UNC13C: variants seen among roughly 807,000 people sequenced by gnomAD.
UNC13C encodes the protein protein unc-13 homolog C.
UNC13C carries 174 observed loss-of-function variants against 245.4 expected under a neutral mutation model. The ratio of observed to expected loss-of-function variants is 0.71; its 90% CI spans 0.63 to 0.80. The LOEUF is 0.80. Among genes scored for constraint, UNC13C ranks in the 30% least tolerant of loss-of-function variants. UNC13C has a pLI of 0.00. For missense variants in UNC13C, 2,829 were observed against 2,602.9 expected (o/e 1.09, Z -1.89); for synonymous variants, 992 against 895.1 (o/e 1.11, Z -1.93).
intron 7 of UNC13C, among the ~76,000 whole-genome samples, chr15:54,247,986 G>T (rs2036041902): frequency 6.6e-6 from 1 of 151,918 alleles, no homozygotes; most frequent in African/African-American, 2.4e-5. Flanking sequence ...ACTATCACTT[G>T]ACTTCAGTAA....
chr15:54,270,681 A>G (rs1488448518), intron 10 of UNC13C, among the ~76,000 whole-genome samples: 1 of 152,132 alleles, frequency 6.6e-6, no homozygotes, highest in African/African-American at 2.4e-5. Flanking sequence ...GAAAAAAAAA[A>G]TTCTACTAAA....
chr15:54,369,240 C>A (rs1335376166), intron 17 of UNC13C, among the ~76,000 whole-genome samples: 2 of 151,530 alleles, frequency 1.3e-5, no homozygotes, highest in African/African-American at 4.8e-5. Context: ...CAGTTGAATG[C>A]ATTTTAATTT....
intron 4 of UNC13C, among the ~76,000 whole-genome samples, chr15:54,223,860 ATTAAG>A (rs1265862384): frequency 1.3e-5 from 2 of 151,832 alleles, no homozygotes; most frequent in South Asian, 2.1e-4. Context: ...CACTTATTTG[ATTAAG>A]TTAATTTGTA....
At chr15:54,590,914 A>G (rs1898751729) in intron 30 of UNC13C, among the ~76,000 whole-genome samples, 1 of 152,204 alleles carries the variant, frequency 6.6e-6, no homozygotes, top group African/African-American at 2.4e-5. Flanking sequence ...ATTCAGAATT[A>G]TGCTGGCTGT....
chr15:54,005,917 G>A (rs1162912612), intron 1 of UNC13C, among the ~76,000 whole-genome samples: 1 of 152,138 alleles, frequency 6.6e-6, no homozygotes, highest in African/African-American at 2.4e-5. Context: ...ATATTTAAGG[G>A]AAATTAAATC....
chr15:54,620,056 T>C (rs1160222792), intron 30 of UNC13C, among the ~76,000 whole-genome samples: 1 of 152,184 alleles, frequency 6.6e-6, no homozygotes, highest in East Asian at 1.9e-4. Flanking sequence ...AGGGTTGTAC[T>C]ACCTTACACA....
chr15:53,873,925 TTC>T, the UNC13C span, among the ~76,000 whole-genome samples: 1 of 56,006 alleles, frequency 1.8e-5, no homozygotes, highest in Non-Finnish European at 3.5e-5. Flanking sequence ...CCTTCCTTTC[TTC>T]CTTCCTTCCT....
intron 1 of UNC13C, among the ~76,000 whole-genome samples, chr15:54,002,057 C>T (rs537697655): frequency 5.9e-5 from 9 of 152,274 alleles, no homozygotes; most frequent in Admixed American, 2.6e-4. Flanking sequence ...GAGGCCGAGG[C>T]GGGTGGATCA....
chr15:53,860,430 G>C, the UNC13C span, among the ~76,000 whole-genome samples: 1 of 152,154 alleles, frequency 6.6e-6, no homozygotes, highest in East Asian at 1.9e-4. Context: ...TCAGAATCAT[G>C]ATAAATGAAT....
At chr15:54,576,666 C>T (rs1319798147) in intron 30 of UNC13C, among the ~76,000 whole-genome samples, 1 of 152,172 alleles carries the variant, frequency 6.6e-6, no homozygotes, top group East Asian at 1.9e-4. Context: ...GTCTACTATA[C>T]ACCTGTAGGA....
At chr15:54,522,450 C>G (rs1347399333) in intron 24 of UNC13C, among the ~76,000 whole-genome samples, 1 of 152,084 alleles carries the variant, frequency 6.6e-6, no homozygotes, top group African/African-American at 2.4e-5. Context: ...TGCACTCCAG[C>G]CTGGGCAACA....
chr15:54,259,021 T>C (rs2036353102), intron 8 of UNC13C, among the ~76,000 whole-genome samples: 1 of 152,218 alleles, frequency 6.6e-6, no homozygotes, highest in Admixed American at 6.5e-5. Flanking sequence ...AGGGCGATCT[T>C]CCAGGTTGCA....
chr15:54,132,074 C>CTTTTTTTCTTTT (rs533044534), intron 2 of UNC13C, among the ~76,000 whole-genome samples: 17 of 110,652 alleles, frequency 1.5e-4, no homozygotes, highest in East Asian at 2.7e-4. Context: ...TTTTCTTTTT[C>CTTTTTTTCTTTT]TTTTTTTTTT....
At chr15:54,110,652 G>T (rs1159133136) in intron 2 of UNC13C, among the ~76,000 whole-genome samples, 2 of 152,174 alleles carry the variant, frequency 1.3e-5, no homozygotes, top group Non-Finnish European at 2.9e-5. Flanking sequence ...GTCTTTTTGA[G>T]AAAATTAATT....
intron 4 of UNC13C, among the ~76,000 whole-genome samples, chr15:54,182,263 G>C (rs567269026): frequency 7.3e-4 from 111 of 152,000 alleles, no homozygotes; most frequent in African/African-American, 2.5e-3. Flanking sequence ...ATTTTATTGA[G>C]AGCTTTTTTC....
chr15:54,539,940 G>A (rs545729309), intron 26 of UNC13C, among the ~76,000 whole-genome samples: 1 of 151,982 alleles, frequency 6.6e-6, no homozygotes, highest in Non-Finnish European at 1.5e-5. Flanking sequence ...ATTATTGGTG[G>A]AAAGAGATAA....
chr15:54,385,792 A>G (rs1208016208), intron 17 of UNC13C, among the ~76,000 whole-genome samples: 2 of 152,022 alleles, frequency 1.3e-5, no homozygotes, highest in African/African-American at 2.4e-5. Flanking sequence ...TATATGCTCT[A>G]TGCGTGCAAG....
intron 8 of UNC13C, among the ~76,000 whole-genome samples, chr15:54,258,739 C>A (rs1362985968): frequency 6.6e-6 from 1 of 152,060 alleles, no homozygotes; most frequent in Non-Finnish European, 1.5e-5. Flanking sequence ...TATTCCATTA[C>A]TATTATTAAA....
At chr15:54,142,219 G>T (rs2032055265) in intron 2 of UNC13C, among the ~76,000 whole-genome samples, 1 of 152,124 alleles carries the variant, frequency 6.6e-6, no homozygotes, top group African/African-American at 2.4e-5. Flanking sequence ...CCATCTCCTT[G>T]TGTCCATGAG....
Sources: allele counts gnomAD v4.1 joint callset (sites outside exome capture counted in the v4.1 genomes callset), GRCh38; gene constraint gnomAD v4.1.1; transcripts MANE v1.5; gene names NCBI Gene and HGNC (gene_info 2026-07-23, HGNC 2026-07-21).